HTR2A: variants seen among roughly 807,000 people sequenced by gnomAD.
HTR2A encodes 5-hydroxytryptamine receptor 2A.
In HTR2A, 14 loss-of-function variants were observed where a neutral mutation model predicts 31.0. The ratio of observed to expected loss-of-function variants is 0.45; its 90% CI spans 0.30 to 0.71. The LOEUF (loss-of-function observed/expected upper bound fraction) is 0.71. Ranked by LOEUF, HTR2A falls within the 30% of genes least tolerant of loss-of-function variation. The pLI is 0.09. For missense variants in HTR2A, 442 were observed against 573.3 expected (o/e 0.77, Z 2.34); for synonymous variants, 209 against 225.2 (o/e 0.93, Z 0.64).
intron 3 of HTR2A, among the ~76,000 whole-genome samples, chr13:46,881,194 C>G (rs1250420592): frequency 6.6e-6 from 1 of 152,194 alleles, no homozygotes; most frequent in Non-Finnish European, 1.5e-5. Flanking sequence ...CCTAAATTCT[C>G]TTGCATCTGT....
At chr13:46,862,742 G>C (rs1278300111) in intron 3 of HTR2A, among the ~76,000 whole-genome samples, 1 of 152,114 alleles carries the variant, frequency 6.6e-6, no homozygotes, top group Non-Finnish European at 1.5e-5. Flanking sequence ...AATATGTCTG[G>C]TTCATATAAT....
intron 3 of HTR2A, among the ~76,000 whole-genome samples, chr13:46,866,697 AATAAAC>A (rs1950820793): frequency 6.6e-6 from 1 of 152,220 alleles, no homozygotes; most frequent in Admixed American, 6.5e-5. Flanking sequence ...AGGAACTGAA[AATAAAC>A]ATAATAAATG....
intron 3 of HTR2A, among the ~76,000 whole-genome samples, chr13:46,871,300 C>G (rs561601676): frequency 6.6e-6 from 1 of 152,232 alleles, no homozygotes; most frequent in Admixed American, 6.5e-5. Flanking sequence ...CAGTTTTGAC[C>G]TGAAAAAGTG....
intron 3 of HTR2A, among the ~76,000 whole-genome samples, chr13:46,873,153 T>A (rs933475633): frequency 4.9e-5 from 4 of 81,304 alleles, no homozygotes; most frequent in African/African-American, 1.9e-4. Flanking sequence ...TTTTACTTTC[T>A]TTTTTTTTTT....
chr13:46,882,893 A>G (rs149431735), intron 3 of HTR2A, among the ~76,000 whole-genome samples: 5 of 152,198 alleles, frequency 3.3e-5, no homozygotes, highest in African/African-American at 1.2e-4. Flanking sequence ...TCCACCATGC[A>G]AACAGAAACC....
intron 3 of HTR2A, among the ~76,000 whole-genome samples, chr13:46,837,233 C>A (rs545313049): frequency 2.0e-5 from 3 of 152,216 alleles, no homozygotes; most frequent in South Asian, 4.1e-4. Flanking sequence ...CACCACCCAG[C>A]CCCCACCATG....
At chr13:46,841,890 A>C (rs1950600405) in intron 3 of HTR2A, among the ~76,000 whole-genome samples, 1 of 152,168 alleles carries the variant, frequency 6.6e-6, no homozygotes, top group South Asian at 2.1e-4. Flanking sequence ...CAGCCCCCAG[A>C]CAATATATTA....
At chr13:46,861,163 C>G (rs1204245492) in intron 3 of HTR2A, among the ~76,000 whole-genome samples, 2 of 152,084 alleles carry the variant, frequency 1.3e-5, no homozygotes, top group African/African-American at 4.8e-5. Context: ...AAACGGAAAG[C>G]AGCTAGATTC....
Position 46,895,367 on chromosome 13 carries a change from C to T in HTR2A, c.412+128G>A. On this transcript the variant is annotated intron_variant, in intron 2 of 3. Coordinates refer to ENST00000542664, the MANE Select transcript of HTR2A (RefSeq NM_000621.5). This position sits in a 1 kb window ranked among gnomAD's most constrained non-coding sequence, Gnocchi z 4.4. ...AGTAAAATATAAGTAACATAGTAGG[C>T]TCTAGTCTATAAACAAAGACTTCTA... is the stretch of plus-strand genomic sequence containing the variant. 4 of 767,400 alleles carry T rather than the reference C, an allele frequency of 5.2e-6. No individual in the cohort carries two copies. Among genetic ancestry groups the T allele is most frequent in the Non-Finnish European group, 8.3e-6 (4 of 483,726 alleles). The allele number at this position is 767,400 out of a possible 1,614,324, so 47.5% of individuals were successfully genotyped here. A position where few individuals can be genotyped will look rare whatever the true frequency, so the allele number is the denominator to read the frequency against.
chr13:46,876,550 C>T (rs1156537972), intron 3 of HTR2A, among the ~76,000 whole-genome samples: 1 of 151,068 alleles, frequency 6.6e-6, no homozygotes, highest in Middle Eastern at 3.4e-3. Context: ...GCTGGGACTA[C>T]AAGCGCCTGC....
intron 3 of HTR2A, among the ~76,000 whole-genome samples, chr13:46,876,474 A>G (rs185081500): frequency 2.0e-3 from 281 of 142,624 alleles, no homozygotes; most frequent in African/African-American, 7.0e-3. Context: ...CAGTGGCGCA[A>G]TCTCAGCTCA....
intron 3 of HTR2A, among the ~76,000 whole-genome samples, chr13:46,838,772 G>A (rs565420434): frequency 3.4e-4 from 52 of 152,064 alleles, no homozygotes; most frequent in African/African-American, 1.2e-3. Context: ...GTCCAAAAAA[G>A]GTGTGTGATT....
chr13:46,874,337 A>G lies in HTR2A; in HGVS notation c.613+18053T>C, dbSNP rs181787955. ...AAAGGCGAACACAGGCTGGCATCCTAGTGTAAAAATGACTTTGCTATCAGG... is the reference window on the plus strand; with the variant it reads ...AAAGGCGAACACAGGCTGGCATCCTGGTGTAAAAATGACTTTGCTATCAGG... On this transcript the variant is annotated intron_variant, in intron 3 of 3. Transcript: ENST00000542664. Among the ~76,000 whole-genome samples, 187 of 152,296 alleles carry G rather than the reference A, an allele frequency of 1.2e-3. 1 individual carries two copies. The highest frequency in any genetic ancestry group is 4.8e-3 in the Admixed American group (73 of 15,292).
At chr13:46,866,058 T>G (rs1950816244) in intron 3 of HTR2A, among the ~76,000 whole-genome samples, 1 of 152,222 alleles carries the variant, frequency 6.6e-6, no homozygotes. Flanking sequence ...CTTGCTCACA[T>G]CCTGGGAATC....
chr13:46,860,133 C>G (rs1950768793), intron 3 of HTR2A, among the ~76,000 whole-genome samples: 1 of 152,170 alleles, frequency 6.6e-6, no homozygotes, highest in Admixed American at 6.5e-5. Flanking sequence ...AACTTAAGGC[C>G]TAATACCTGG....
chr13:46,866,702 A>G (rs1043907939), intron 3 of HTR2A, among the ~76,000 whole-genome samples: 1 of 152,248 alleles, frequency 6.6e-6, no homozygotes, highest in Non-Finnish European at 1.5e-5. Flanking sequence ...CTGAAAATAA[A>G]CATAATAAAT....
intron 3 of HTR2A, among the ~76,000 whole-genome samples, chr13:46,860,113 C>T (rs1263982138): frequency 1.3e-5 from 2 of 152,136 alleles, no homozygotes; most frequent in Non-Finnish European, 2.9e-5. Context: ...CAGAATTCTC[C>T]TCAACCCACA....
chr13:46,844,520 C>A (rs1950624663), intron 3 of HTR2A, among the ~76,000 whole-genome samples: 1 of 152,150 alleles, frequency 6.6e-6, no homozygotes. Flanking sequence ...ATGAGCTGAC[C>A]ACCTTAACAG....
intron 3 of HTR2A, among the ~76,000 whole-genome samples, chr13:46,871,594 G>C (rs1326615949): frequency 6.6e-6 from 1 of 152,154 alleles, no homozygotes; most frequent in African/African-American, 2.4e-5. Flanking sequence ...ATTACACCAA[G>C]AACCAACCCA....
Sources: allele counts gnomAD v4.1 joint callset (sites outside exome capture counted in the v4.1 genomes callset), GRCh38; gene constraint gnomAD v4.1.1; non-coding constraint Gnocchi (gnomAD v3.1); transcripts MANE v1.5; gene names NCBI Gene and HGNC (gene_info 2026-07-23, HGNC 2026-07-21).